Variants in SYNE1 observed in about 807,000 individuals in gnomAD.
SYNE1 encodes the protein spectrin repeat containing nuclear envelope protein 1.
A neutral mutation model predicts 1,111.0 loss-of-function variants in SYNE1; 616 were observed. The ratio of observed to expected loss-of-function variants is 0.55; its 90% CI spans 0.52 to 0.59. The LOEUF (loss-of-function observed/expected upper bound fraction) is 0.59. Ranked by LOEUF, SYNE1 falls within the 20% of genes least tolerant of loss-of-function variation. SYNE1 has a pLI of 0.00. For missense variants in SYNE1, 10,006 were observed against 10,417.0 expected (o/e 0.96, Z 1.72); for synonymous variants, 3,855 against 3,825.8 (o/e 1.01, Z -0.28).
intron 46 of SYNE1, 57 bp downstream of exon 46, chr6:152,404,156 T>C (rs1466900197): frequency 5.2e-6 from 6 of 1,146,660 alleles, no homozygotes; most frequent in Admixed American, 1.7e-5. Context: ...GAAAGTCTAG[T>C]ATATGGTAGT....
intron 87 of SYNE1, among the ~76,000 whole-genome samples, chr6:152,313,993 C>T (rs2095633497): frequency 6.6e-6 from 1 of 152,156 alleles, no homozygotes; most frequent in African/African-American, 2.4e-5. Context: ...CTCTCTTTCA[C>T]CCAATTCAGT....
chr6:152,325,895 T>C, intron 80 of SYNE1, 63 bp downstream of exon 80: 1 of 1,581,592 alleles, frequency 6.3e-7, no homozygotes, highest in Non-Finnish European at 8.7e-7. Flanking sequence ...TTATTGATCA[T>C]GTTGCAAAGA....
intron 3 of SYNE1, among the ~76,000 whole-genome samples, chr6:152,562,428 C>A (rs889170183): frequency 6.6e-6 from 1 of 152,050 alleles, no homozygotes; most frequent in African/African-American, 2.4e-5. Flanking sequence ...GAAAAGGGAA[C>A]CCTTGGACAT....
chr6:152,392,380 C>A (rs1003838820), intron 51 of SYNE1, among the ~76,000 whole-genome samples: 3 of 152,118 alleles, frequency 2.0e-5, no homozygotes, highest in Non-Finnish European at 2.9e-5. Context: ...AAGGGGAAAA[C>A]GTAAGCACTA....
At position 152,415,963 on chromosome 6, in the gene SYNE1, A is replaced by G. The variant is rs555420744; in HGVS notation, c.6050+424T>C. ...AAATTACAGAAACAGTCTGTGGTTT[A>G]TACCTTTCTCCAAAGATGATTTTGA... On this transcript the variant is annotated intron_variant, in intron 41 of 145. Coordinates refer to ENST00000367255, the MANE Select transcript of SYNE1 (RefSeq NM_182961.4). Among the ~76,000 whole-genome samples, 7 of 152,330 alleles carry G rather than the reference A, an allele frequency of 4.6e-5. No individual in the cohort carries two copies. The South Asian group carries it at 1.2e-3, about 27-fold the overall frequency.
At chr6:152,500,653 T>A (rs942024935) in intron 10 of SYNE1, among the ~76,000 whole-genome samples, 1 of 152,042 alleles carries the variant, frequency 6.6e-6, no homozygotes, top group Non-Finnish European at 1.5e-5. Flanking sequence ...TCTAAGTCTA[T>A]TTAGAAAACA....
chr6:152,401,324 T>C lies in SYNE1; in HGVS notation c.6843A>G (p.Leu2281=). 1 of 1,613,818 alleles carries C rather than the reference T, an allele frequency of 6.2e-7. No homozygotes were observed. The highest frequency in any genetic ancestry group is 8.5e-7 in the Non-Finnish European group (1 of 1,180,004). ...CTTTGGCATGCTCCAGTTTCTGCAT[T>C]AAGTCTGCTTCTATAAACTAAATAT... ...PPDLQFIEAD[L]MQKLEHAKEI... is the part of the protein sequence containing the mutation. Residue 2281 remains leucine (L), a synonymous_variant, in exon 47 of 146, where the codon TTA becomes TTG. Transcript: ENST00000367255.
At chr6:152,123,666 TAC>T (rs1396000217) in intron 145 of SYNE1, among the ~76,000 whole-genome samples, 3 of 152,330 alleles carry the variant, frequency 2.0e-5, no homozygotes, top group Admixed American at 2.0e-4. Context: ...GCATTTGGTG[TAC>T]ACTCAGACCC....
At chr6:152,138,512 AAAATAAATAAATAAATAAATAAATAAAT>A (rs200341649) in intron 140 of SYNE1, among the ~76,000 whole-genome samples, 260 of 141,846 alleles carry the variant, frequency 1.8e-3, no homozygotes, top group Non-Finnish European at 2.7e-3. Flanking sequence ...CTCTGTCTCA[AAAATAAATAAATAAATAAATAAATAAAT>A]AAATAAATAA....
chr6:152,603,370 T>C (rs1165996224), intron 3 of SYNE1, among the ~76,000 whole-genome samples: 2 of 152,158 alleles, frequency 1.3e-5, no homozygotes, highest in Admixed American at 1.3e-4. Flanking sequence ...CACAGGTGGT[T>C]ATTTTGCAAA....
chr6:152,362,027 C>T, intron 64 of SYNE1, 143 bp downstream of exon 64: 1 of 1,124,098 alleles, frequency 8.9e-7, no homozygotes, highest in Non-Finnish European at 1.3e-6. Flanking sequence ...GTTTAAGAAG[C>T]CTTTAGAGAT....
At chr6:152,137,900 T>A (rs2057433520) in intron 140 of SYNE1, among the ~76,000 whole-genome samples, 5 of 152,118 alleles carry the variant, frequency 3.3e-5, no homozygotes, top group Admixed American at 3.3e-4. Context: ...CAAAGGAGGA[T>A]GTCTTTTTTC....
At chr6:152,414,571 AAGAAG>A (rs145639451) in intron 41 of SYNE1, among the ~76,000 whole-genome samples, 6,604 of 152,206 alleles carry the variant, frequency 0.043, 267 homozygotes, top group African/African-American at 0.1. Flanking sequence ...CCCACCTTAC[AAGAAG>A]AGAAGAGGTT....
intron 15 of SYNE1, 176 bp from the exon 16 acceptor site, chr6:152,471,941 A>G (rs1415938076): frequency 7.4e-6 from 5 of 673,602 alleles, no homozygotes; most frequent in Non-Finnish European, 1.3e-5. Flanking sequence ...AAAGCAAAGC[A>G]TGAATGATTG....
chr6:152,206,041 A>C, intron 126 of SYNE1, 127 bp downstream of exon 126: 1 of 1,015,174 alleles, frequency 9.9e-7, no homozygotes, highest in Non-Finnish European at 1.5e-6. Flanking sequence ...TAAAACACAG[A>C]GAATCAAAAT....
rs1431065426 is a variant in SYNE1, at chr6:152,436,007, A to G, written c.4244T>C (p.Leu1415Pro). The change falls in exon 33 of 146, where the codon CTG becomes CCG. Residue 1415 changes from leucine to proline, a missense_variant. Coordinates refer to ENST00000367255, the MANE Select transcript of SYNE1 (RefSeq NM_182961.4). ...GATTGACTTGGCCTGCTGTTGAAGC[A>G]GCTGCTTATTTTGGGGCCCAAGCGG... is the stretch of plus-strand genomic sequence containing the variant. The part of the protein sequence containing the change: ...EIPLGPQNKQ[L>P]LQQQAKSIKE... 6.2e-7 allele frequency: 1 copy of G among 1,614,158 alleles called. No homozygotes were observed. The highest frequency in any genetic ancestry group is 2.2e-5 in the East Asian group (1 of 44,874).
At position 152,381,007 on chromosome 6, in the gene SYNE1, T is replaced by C. The variant is rs201605728; in HGVS notation, c.9008A>G (p.Gln3003Arg). The part of the protein sequence containing the change: ...EEIVECWHKG[Q>R]EILDALQKAE... ...ATAGAAAACAGGAAGCCAACTTACTTGTCCTTTGTGCCAGCATTCCACTAT... is the reference window on the plus strand; with the variant it reads ...ATAGAAAACAGGAAGCCAACTTACTCGTCCTTTGTGCCAGCATTCCACTAT... Residue 3003 changes from glutamine (Q) to arginine (R), a missense_variant and splice_region_variant, in exon 56 of 146, where the codon CAA (glutamine) becomes CGA (arginine). Gln to Arg is a conservative substitution (Grantham distance 43, BLOSUM62 1). Transcript: ENST00000367255. 1.2e-6 allele frequency: 2 copies of C among 1,613,914 alleles called. No individual in the cohort carries two copies. Among genetic ancestry groups the C allele is most frequent in the Non-Finnish European group, 1.7e-6 (2 of 1,179,904 alleles).
At chr6:152,361,089 G>T (rs1347533546) in intron 64 of SYNE1, among the ~76,000 whole-genome samples, 1 of 152,208 alleles carries the variant, frequency 6.6e-6, no homozygotes, top group Non-Finnish European at 1.5e-5. Flanking sequence ...CATTCAGAAA[G>T]ATAAGTAGGA....
chr6:152,622,593 T>C lies in SYNE1; in HGVS notation c.67+5672A>G, dbSNP rs181412009. Among the ~76,000 whole-genome samples the C allele has an allele frequency of 3.5e-3, 530 of 152,234 alleles. 2 individuals carry two copies. Among genetic ancestry groups the C allele is most frequent in the Non-Finnish European group, 5.1e-3 (347 of 67,998 alleles). On this transcript the variant is annotated intron_variant, in intron 3 of 145. Coordinates refer to ENST00000367255, the MANE Select transcript of SYNE1 (RefSeq NM_182961.4). Reference sequence around the variant, plus strand: ...TCCATCCATGTCCCTGCAAAAAACATGATCTTTTTCTTTTTATGGCTGCAT... The same window carrying C: ...TCCATCCATGTCCCTGCAAAAAACACGATCTTTTTCTTTTTATGGCTGCAT...
Sources: allele counts gnomAD v4.1 joint callset (sites outside exome capture counted in the v4.1 genomes callset), GRCh38; gene constraint gnomAD v4.1.1; transcripts MANE v1.5; gene names NCBI Gene and HGNC (gene_info 2026-07-23, HGNC 2026-07-21).